The following SEPTIN3 variants were observed in gnomAD, a reference collection of about 807,000 sequenced individuals.
SEPTIN3 encodes the protein septin 3.
A neutral mutation model predicts 45.1 loss-of-function variants in SEPTIN3; 15 were observed. The ratio of observed to expected loss-of-function variants is 0.33; its 90% CI spans 0.22 to 0.51. The LOEUF is 0.51. Among genes scored for constraint, SEPTIN3 ranks in the 20% least tolerant of loss-of-function variants. SEPTIN3 has a pLI of 0.97. For synonymous variants in SEPTIN3, 148 were observed against 164.8 expected (o/e 0.90, Z 0.78); for missense variants, 289 against 457.2 (o/e 0.63, Z 3.35).
intron 11 of SEPTIN3, 66 bp from the exon 12 acceptor site, chr22:41,996,836 G>A: frequency 1.2e-6 from 2 of 1,606,124 alleles, no homozygotes; most frequent in South Asian, 1.1e-5. Context: ...CCTGGAGAAG[G>A]TATTTTATAT....
chr22:41,987,791 C>G (rs368168792), intron 6 of SEPTIN3, 32 bp downstream of exon 6: 1 of 1,594,416 alleles, frequency 6.3e-7, no homozygotes, highest in Non-Finnish European at 8.6e-7. Flanking sequence ...ATTGTCAGGC[C>G]TGGTCTGGTT....
At position 41,994,261 on chromosome 22, in the gene SEPTIN3, TG is replaced by T; in HGVS notation, c.2360-28del. 1 of 1,611,314 alleles carries T rather than the reference TG, an allele frequency of 6.2e-7. No individual in the cohort carries two copies. ...TTGCTGTATTAATGAACTGACTACC[TG>T]TTTTGCTTTGTTTTGTTTTGTTCAT... On this transcript the variant is annotated intron_variant, in intron 9 of 11. Transcript: ENST00000644076. The surrounding 1 kb of genome is among the most constrained non-coding windows in gnomAD (Gnocchi z 4.2).
At chr22:41,988,864 G>A (rs1405832724) in intron 6 of SEPTIN3, among the ~76,000 whole-genome samples, 3 of 152,110 alleles carry the variant, frequency 2.0e-5, no homozygotes, top group East Asian at 1.9e-4. Context: ...GGTGGCTCTC[G>A]CCTATAATCC....
chr22:41,979,109 G>A (rs2078080471), intron 2 of SEPTIN3, among the ~76,000 whole-genome samples: 2 of 152,198 alleles, frequency 1.3e-5, no homozygotes, highest in South Asian at 4.1e-4. Context: ...CACACAGTGG[G>A]TGCTCATATG....
Position 41,971,614 on chromosome 22 carries a change from G to A in SEPTIN3, c.122G>A (p.Gly41Glu). The change falls in exon 2 of 12, where the codon GGA (glycine) becomes GAA (glutamate). Residue 41 changes from glycine to glutamate, a missense_variant. Physicochemically the swap from Gly to Glu is moderately conservative, Grantham distance 98 (BLOSUM62 -2). Coordinates refer to ENST00000644076, the MANE Select transcript of SEPTIN3 (RefSeq NM_001363845.2). ...GRPIRPSRLP[G>E]GGSPLTPVLR... ...CCTATCCGCCCCTCGAGACTCCCTG[G>A]AGGAGGGTCCCCCCTCACCCCCGTC... 2.5e-6 allele frequency: 1 copy of A among 399,116 alleles called. No homozygotes were observed. Among genetic ancestry groups the A allele is most frequent in the Non-Finnish European group, 4.4e-6 (1 of 226,168 alleles). The allele number at this position is 399,116 out of a possible 1,614,324, so 24.7% of individuals were successfully genotyped here.
chr22:41,998,170 T>G lies in SEPTIN3; in HGVS notation c.*1203T>G, dbSNP rs1462584527. On this transcript the variant is annotated 3_prime_UTR_variant, in exon 12 of 12. Coordinates refer to ENST00000644076, the MANE Select transcript of SEPTIN3 (RefSeq NM_001363845.2). ...CAGACACTCAAACTGGTCCTGTAAT[T>G]GTTGCTAGACTTTATGTGTTGTACA... 2.0e-5 allele frequency: 3 copies of G among 152,692 alleles called. No individual in the cohort carries two copies. The highest frequency in any genetic ancestry group is 6.5e-5 in the Admixed American group (1 of 15,292). 9.5% of individuals were successfully genotyped at this position (152,692 alleles called of 1,614,324 possible).
At position 41,994,911 on chromosome 22, in the gene SEPTIN3, G is replaced by A; in HGVS notation, c.2505+197G>A. Reference sequence around the variant, plus strand: ...TGTGTGTGTGTGTGTGTGTGTGTGTGTGTGTGTGTGTGACAGAGAGAGAGC... The same window carrying A: ...TGTGTGTGTGTGTGTGTGTGTGTGTATGTGTGTGTGTGACAGAGAGAGAGC... On this transcript the variant is annotated intron_variant, in intron 11 of 11. Transcript: ENST00000644076. The surrounding 1 kb of genome is among the most constrained non-coding windows in gnomAD (Gnocchi z 4.2). The A allele has an allele frequency of 6.8e-7, 1 of 1,480,954 alleles. No individual in the cohort carries two copies. The highest frequency in any genetic ancestry group is 8.9e-7 in the Non-Finnish European group (1 of 1,118,094). The allele number at this position is 1,480,954 out of a possible 1,614,324, so 91.7% of individuals were successfully genotyped here. A position where few individuals can be genotyped will look rare whatever the true frequency, so the allele number is the denominator to read the frequency against.
intron 1 of SEPTIN3, among the ~76,000 whole-genome samples, chr22:41,970,924 A>AGGGCTCTTTCTTGGTTCTG (rs2077951817): frequency 6.6e-6 from 1 of 152,202 alleles, no homozygotes; most frequent in Non-Finnish European, 1.5e-5. Context: ...AGGCCAGCTC[A>AGGGCTCTTTCTTGGTTCTG]GGGCTCTTTC....
intron 8 of SEPTIN3, among the ~76,000 whole-genome samples, chr22:41,992,353 T>C (rs2078332176): frequency 6.6e-6 from 1 of 152,188 alleles, no homozygotes; most frequent in Non-Finnish European, 1.5e-5. Flanking sequence ...CACTCCAGCC[T>C]GGGCAACAAG....
At chr22:41,982,581 C>T (rs947488907) in intron 3 of SEPTIN3, among the ~76,000 whole-genome samples, 1 of 150,714 alleles carries the variant, frequency 6.6e-6, no homozygotes, top group Non-Finnish European at 1.5e-5. Context: ...AGCATCACTG[C>T]GTCACAGAAT....
chr22:41,978,378 G>T (rs915787135), intron 2 of SEPTIN3, among the ~76,000 whole-genome samples: 1 of 152,180 alleles, frequency 6.6e-6, no homozygotes, highest in African/African-American at 2.4e-5. Flanking sequence ...GAACTAGTAC[G>T]TATTTGTGCC....
chr22:41,992,062 G>A lies in SEPTIN3; in HGVS notation c.2259+394G>A, dbSNP rs371945269. ...AGGGGTTAGACTGAGTGGCTTATAG[G>A]CTTCCCCCGCTAGAATAACTTAAAA... is the stretch of plus-strand genomic sequence containing the variant. On this transcript the variant is annotated intron_variant, in intron 8 of 11. Transcript: ENST00000644076. Among the ~76,000 whole-genome samples the A allele has an allele frequency of 3.9e-5, 6 of 152,086 alleles. No individual in the cohort carries two copies. The East Asian group carries it at 1.2e-3, about 29-fold the overall frequency.
At position 41,989,635 on chromosome 22, in the gene SEPTIN3, C is replaced by T; in HGVS notation, c.2114C>T (p.Ala705Val). 1 of 1,613,956 alleles carries T rather than the reference C, an allele frequency of 6.2e-7. No homozygotes were observed. The highest frequency in any genetic ancestry group is 8.5e-7 in the Non-Finnish European group (1 of 1,179,864). The change falls in exon 7 of 12, where the codon GCT becomes GTT. Residue 705 changes from alanine (A) to valine (V), a missense_variant. By Grantham distance (64) the Ala-to-Val change is moderately conservative. Around this residue, in one of 3 missense-constraint regions of SEPTIN3, gnomAD observed 200 missense variants for 315.1 expected, o/e 0.63. Coordinates refer to ENST00000644076, the MANE Select transcript of SEPTIN3 (RefSeq NM_001363845.2). The stretch of plus-strand genomic sequence containing the variant: ...GTTGTGAACATCATCCCTGTCATTG[C>T]TAAGGCTGACACCATGACCCTGGAG... ...SKVVNIIPVI[A>V]KADTMTLEEK...
At chr22:41,973,406 C>G (rs1483927729) in intron 2 of SEPTIN3, among the ~76,000 whole-genome samples, 1 of 151,518 alleles carries the variant, frequency 6.6e-6, no homozygotes, top group African/African-American at 2.4e-5. Context: ...CCTGTAATCC[C>G]AGCACTTTGG....
chr22:41,983,047 C>T (rs932820358), intron 3 of SEPTIN3, among the ~76,000 whole-genome samples: 1 of 152,214 alleles, frequency 6.6e-6, no homozygotes, highest in Non-Finnish European at 1.5e-5. Flanking sequence ...CATTTTACCT[C>T]ATACGTATCT....
intron 8 of SEPTIN3, among the ~76,000 whole-genome samples, 197 bp downstream of exon 8, chr22:41,991,865 G>GAAAGCCTTCTATCCCCAGACCACATA (rs560188611): frequency 1.4e-3 from 214 of 152,278 alleles, no homozygotes; most frequent in African/African-American, 4.8e-3. Flanking sequence ...CCTGTACCCA[G>GAAAGCCTTCTATCCCCAGACCACATA]AAAGCCTTCT....
At chr22:41,986,227 A>C in intron 4 of SEPTIN3, 115 bp downstream of exon 4, 2 of 1,260,660 alleles carry the variant, frequency 1.6e-6, no homozygotes, top group Non-Finnish European at 2.2e-6. Context: ...CTTAAGACAA[A>C]ACAGACGTGA....
At chr22:41,989,763 T>A in intron 7 of SEPTIN3, 79 bp downstream of exon 7, 1 of 930,604 alleles carries the variant, frequency 1.1e-6, no homozygotes, top group South Asian at 1.4e-5. Context: ...CTCCTAGCCC[T>A]CATCATTCTG....
rs776396548 is a variant in SEPTIN3, at chr22:41,991,062, T to TCAAA, written c.2164-495_2164-492dup. Among the ~76,000 whole-genome samples, 176 of 151,826 alleles carry TCAAA rather than the reference T, an allele frequency of 1.2e-3. 1 individual carries two copies. The highest frequency in any genetic ancestry group is 1.8e-3 in the East Asian group (9 of 5,138). On this transcript the variant is annotated intron_variant, in intron 7 of 11. Coordinates refer to ENST00000644076, the MANE Select transcript of SEPTIN3 (RefSeq NM_001363845.2). ...CTGGGCAACAGAGCAAGACTCGGTCTCAAACAAACAAACAAACAACAAACA... is the reference window on the plus strand; with the variant it reads ...CTGGGCAACAGAGCAAGACTCGGTCTCAAACAAACAAACAAACAAACAACAAACA...
Sources: allele counts gnomAD v4.1 joint callset (sites outside exome capture counted in the v4.1 genomes callset), GRCh38; gene constraint gnomAD v4.1.1; regional missense constraint gnomAD v4.1.1; non-coding constraint Gnocchi (gnomAD v3.1); transcripts MANE v1.5; gene names NCBI Gene and HGNC (gene_info 2026-07-23, HGNC 2026-07-21).